MAML3: variants seen among roughly 807,000 people sequenced by gnomAD.
MAML3 encodes mastermind-like protein 3.
In MAML3, 27 loss-of-function variants were observed where a neutral mutation model predicts 101.9. The ratio of observed to expected loss-of-function variants is 0.27; its 90% confidence interval spans 0.20 to 0.37. The LOEUF (loss-of-function observed/expected upper bound fraction) is 0.37. MAML3 is among the 10% of genes least tolerant of loss of function. The pLI, the probability that MAML3 is intolerant of heterozygous loss-of-function variation, is 1.00. For missense variants in MAML3, 1,316 were observed against 1,444.9 expected, an observed-to-expected ratio of 0.91 and a Z score of 1.45; for synonymous variants, 501 against 555.9, an observed-to-expected ratio of 0.90 and a Z score of 1.39.
chr4:140,047,976 G>C (rs1727209338), intron 1 of MAML3, among the ~76,000 whole-genome samples: 1 of 152,116 alleles, frequency 6.6e-6, no homozygotes, highest in Non-Finnish European at 1.5e-5. Flanking sequence ...CATTTGGTAA[G>C]GCTTTTCCCC....
chr4:139,852,403 G>GTTTTTTTTTTTGTTGTTGTTTTTTTTT (rs1731572633), intron 2 of MAML3, among the ~76,000 whole-genome samples: 1 of 68,326 alleles, frequency 1.5e-5, no homozygotes, highest in African/African-American at 6.7e-5. Context: ...TCAGAAGACT[G>GTTTTTTTTTTTGTTGTTGTTTTTTTTT]TTTTTTTTTT....
In MAML3 at chr4:139,890,584, G is replaced by C; in HGVS notation, c.852C>G (p.Cys284Trp). The change falls in exon 2 of 5, where the codon TGC (cysteine) becomes TGG (tryptophan). Residue 284 changes from cysteine (C) to tryptophan (W), a missense_variant. Coordinates refer to ENST00000509479, the MANE Select transcript of MAML3 (RefSeq NM_018717.5). The surrounding 1 kb of genome is among the most constrained non-coding windows in gnomAD (Gnocchi z 4.1). ...LKQEPLDDPTCIDTSETSLSN... is the reference protein window; with the variant it reads ...LKQEPLDDPTWIDTSETSLSN... Reference sequence around the variant, plus strand: ...AAAGAGATGTTTCTGATGTGTCTATGCAAGTAGGGTCATCGAGAGGTTCTT... The same window carrying C: ...AAAGAGATGTTTCTGATGTGTCTATCCAAGTAGGGTCATCGAGAGGTTCTT... 6.2e-7 allele frequency: 1 copy of C among 1,614,010 alleles called. No homozygotes were observed. Among genetic ancestry groups the C allele is most frequent in the Non-Finnish European group, 8.5e-7 (1 of 1,179,878 alleles).
intron 1 of MAML3, among the ~76,000 whole-genome samples, chr4:139,931,225 C>T (rs887567280): frequency 2.6e-5 from 4 of 152,148 alleles, no homozygotes; most frequent in East Asian, 1.9e-4. Context: ...AAGTCCCAGG[C>T]GCCACACAGC....
intron 1 of MAML3, among the ~76,000 whole-genome samples, chr4:140,140,492 G>A (rs963225287): frequency 2.6e-5 from 4 of 152,100 alleles, no homozygotes; most frequent in Non-Finnish European, 5.9e-5. Flanking sequence ...ATGGAATGAG[G>A]AAGCCCCCTT....
chr4:140,088,692 G>A (rs1015377527), intron 1 of MAML3, among the ~76,000 whole-genome samples: 26 of 152,064 alleles, frequency 1.7e-4, no homozygotes, highest in African/African-American at 5.8e-4. Flanking sequence ...CGCATTGCCA[G>A]GAGCTCTTCA....
chr4:139,889,187 G>A (rs1251114314), intron 2 of MAML3, 170 bp downstream of exon 2: 1 of 1,266,558 alleles, frequency 7.9e-7, no homozygotes, highest in Non-Finnish European at 1.1e-6. Context: ...CATTTCTTAG[G>A]AGAAATGGAA....
chr4:139,779,705 G>C (rs1730163993), intron 2 of MAML3, among the ~76,000 whole-genome samples: 1 of 152,224 alleles, frequency 6.6e-6, no homozygotes, highest in African/African-American at 2.4e-5. Context: ...AATCAGCGGA[G>C]GGGTGAGGGG....
intron 1 of MAML3, among the ~76,000 whole-genome samples, chr4:140,121,690 C>T (rs1361352117): frequency 6.6e-6 from 1 of 152,162 alleles, no homozygotes; most frequent in African/African-American, 2.4e-5. Context: ...TTTAAATATA[C>T]TAGAGGTATT....
chr4:140,129,733 G>A (rs1474955506), intron 1 of MAML3, among the ~76,000 whole-genome samples: 8 of 152,136 alleles, frequency 5.3e-5, no homozygotes, highest in East Asian at 3.9e-4. Flanking sequence ...TTGGGAGGCC[G>A]AGGCGGGCGG....
At position 139,889,902 on chromosome 4, in the gene MAML3, A is replaced by G; in HGVS notation, c.1534T>C (p.Ser512Pro). The change falls in exon 2 of 5, where the codon TCA (serine) becomes CCA (proline). Residue 512 changes from serine (S) to proline (P), a missense_variant. By Grantham distance (74) the Ser-to-Pro change is moderately conservative (BLOSUM62 -1). Transcript: ENST00000509479. ...QQQQQQQQQH[S>P]NQTSNWSPLG... ...GGAGACCAATTTGAAGTCTGATTTG[A>G]GTGCTGTTGCTGCTGCTGCTGCTGC... 2 of 1,608,568 alleles carry G rather than the reference A, an allele frequency of 1.2e-6. No individual in the cohort carries two copies. Among genetic ancestry groups the G allele is most frequent in the South Asian group, 1.1e-5 (1 of 90,858 alleles).
chr4:139,730,698 G>GATT (rs1314121322), intron 2 of MAML3, 31 bp from the exon 3 acceptor site: 19 of 1,586,892 alleles, frequency 1.2e-5, no homozygotes, highest in Non-Finnish European at 1.6e-5. Flanking sequence ...GAGATGCAGG[G>GATT]ATTCCCCATA....
At chr4:140,152,167 G>A (rs547218916) in intron 1 of MAML3, among the ~76,000 whole-genome samples, 1 of 152,100 alleles carries the variant, frequency 6.6e-6, no homozygotes, top group Non-Finnish European at 1.5e-5. Context: ...AGCAAAGAGC[G>A]GAGCGCACCC....
At chr4:139,977,944 A>G (rs1159678506) in intron 1 of MAML3, among the ~76,000 whole-genome samples, 5 of 152,180 alleles carry the variant, frequency 3.3e-5, no homozygotes, top group Non-Finnish European at 1.5e-5. Flanking sequence ...GTTCCTACAC[A>G]GAAATTACAG....
At chr4:140,051,554 T>G (rs1727270011) in intron 1 of MAML3, among the ~76,000 whole-genome samples, 1 of 148,300 alleles carries the variant, frequency 6.7e-6, no homozygotes. Flanking sequence ...TGAGACTCAG[T>G]CTCAAAAAAA....
At chr4:139,967,175 G>C (rs536739895) in intron 1 of MAML3, among the ~76,000 whole-genome samples, 1 of 152,176 alleles carries the variant, frequency 6.6e-6, no homozygotes, top group African/African-American at 2.4e-5. Context: ...AAATATTTGG[G>C]AATTTCTCAC....
intron 1 of MAML3, among the ~76,000 whole-genome samples, chr4:140,034,183 CT>C (rs916776725): frequency 3.9e-4 from 60 of 152,174 alleles, no homozygotes; most frequent in African/African-American, 1.4e-3. Context: ...TTTCTGCGTT[CT>C]TGTCTAGGAC....
intron 1 of MAML3, among the ~76,000 whole-genome samples, chr4:140,009,297 T>C (rs142453334): frequency 3.3e-4 from 50 of 152,296 alleles, no homozygotes; most frequent in Non-Finnish European, 5.6e-4. Flanking sequence ...ACAGGCCTTG[T>C]GCTGCACAGG....
At chr4:139,876,583 C>G (rs547640343) in intron 2 of MAML3, among the ~76,000 whole-genome samples, 1 of 152,366 alleles carries the variant, frequency 6.6e-6, no homozygotes, top group Non-Finnish European at 1.5e-5. Context: ...CTCTGACTGG[C>G]CCCAGCAAGA....
intron 1 of MAML3, among the ~76,000 whole-genome samples, chr4:140,047,907 C>T (rs962838166): frequency 6.6e-6 from 1 of 152,018 alleles, no homozygotes; most frequent in African/African-American, 2.4e-5. Flanking sequence ...TCTTTAACTT[C>T]GTGATACTAA....
Sources: gnomAD v4.1 joint callset for allele counts (sites outside exome capture counted in the v4.1 genomes callset) on GRCh38, gnomAD v4.1.1 for gene constraint, Gnocchi (gnomAD v3.1) non-coding constraint, MANE v1.5 for transcripts, NCBI Gene and HGNC (gene_info 2026-07-23, HGNC 2026-07-21) for gene names.